Variants in PRKAR1B observed in about 807,000 individuals in gnomAD.
PRKAR1B encodes protein kinase cAMP-dependent type I regulatory subunit beta.
A neutral mutation model predicts 46.5 loss-of-function variants in PRKAR1B; 22 were observed. The ratio of observed to expected loss-of-function variants is 0.47; its 90% confidence interval spans 0.34 to 0.68. The LOEUF (loss-of-function observed/expected upper bound fraction) is 0.68, where lower values mean the gene tolerates loss of function less well. PRKAR1B is among the 30% of genes least tolerant of loss of function. The pLI is 0.01. For missense variants in PRKAR1B, 445 were observed against 535.6 expected (o/e 0.83, Z 1.67); for synonymous variants, 259 against 217.7 (o/e 1.19, Z -1.67).
At chr7:715,920 T>C (rs575890329) in intron 1 of PRKAR1B, among the ~76,000 whole-genome samples, 103 of 152,254 alleles carry the variant, frequency 6.8e-4, no homozygotes, top group Middle Eastern at 6.8e-3. Context: ...TTTCACCGTG[T>C]TAGCCAGGAT....
chr7:688,095 CAAAAAAAAAA>C (rs762256783), intron 2 of PRKAR1B, among the ~76,000 whole-genome samples: 3 of 34,056 alleles, frequency 8.8e-5, no homozygotes, highest in East Asian at 8.8e-4. Flanking sequence ...CACTCCACCT[CAAAAAAAAAA>C]AAAAAAAAAA....
intron 4 of PRKAR1B, among the ~76,000 whole-genome samples, chr7:625,624 C>A (rs1425592451): frequency 2.6e-5 from 4 of 152,052 alleles, no homozygotes; most frequent in Non-Finnish European, 5.9e-5. Flanking sequence ...CACTACAGGT[C>A]CCATGGACAA....
At chr7:684,535 G>A (rs747157985) in intron 2 of PRKAR1B, among the ~76,000 whole-genome samples, 19 of 152,164 alleles carry the variant, frequency 1.2e-4, no homozygotes, top group African/African-American at 2.4e-4. Flanking sequence ...GACGAAGTAC[G>A]CAGCAGCCCG....
At position 613,516 on chromosome 7, in the gene PRKAR1B, G is replaced by A. The variant is rs542745603; in HGVS notation, c.441-6064C>T. 7.4e-4 allele frequency among the ~76,000 whole-genome samples: 113 copies of A among 152,298 alleles called. 1 individual carries two copies. Among genetic ancestry groups the A allele is most frequent in the African/African-American group, 2.5e-3 (106 of 41,570 alleles). ...GTACGGGATCAGAACCAGCAGCTCC[G>A]TTCACAGCCAAACTCGCCTTCAAAA... On this transcript the variant is annotated intron_variant, in intron 4 of 10. Transcript: ENST00000537384.
At chr7:554,457 C>G (rs139148647) in intron 9 of PRKAR1B, among the ~76,000 whole-genome samples, 42 of 152,342 alleles carry the variant, frequency 2.8e-4, no homozygotes, top group Middle Eastern at 6.8e-3. Context: ...ATGAACCTGA[C>G]GGCCTCTGGT....
At chr7:712,477 G>A (rs1033901370) in intron 1 of PRKAR1B, 11 of 147,556 alleles carry the variant, frequency 7.5e-5, no homozygotes, top group African/African-American at 7.4e-5. Flanking sequence ...GGGGACGGCT[G>A]GCGAGCGAGC....
intron 2 of PRKAR1B, among the ~76,000 whole-genome samples, chr7:684,467 C>T (rs187222958): frequency 7.5e-4 from 114 of 152,308 alleles, no homozygotes; most frequent in African/African-American, 2.6e-3. Context: ...ATGGCAGGAA[C>T]GCTATCTGAG....
At chr7:648,023 G>C (rs1393955759) in intron 4 of PRKAR1B, among the ~76,000 whole-genome samples, 1 of 151,546 alleles carries the variant, frequency 6.6e-6, no homozygotes, top group Non-Finnish European at 1.5e-5. Flanking sequence ...GTGCGCACCT[G>C]TGGTCCCAGG....
At chr7:708,389 T>A (rs768752137) in intron 2 of PRKAR1B, among the ~76,000 whole-genome samples, 3 of 152,200 alleles carry the variant, frequency 2.0e-5, no homozygotes, top group Admixed American at 6.5e-5. Flanking sequence ...GGTTCTAGAA[T>A]CTCTAAGGAT....
intron 4 of PRKAR1B, among the ~76,000 whole-genome samples, chr7:620,647 T>G (rs1261955436): frequency 6.6e-6 from 1 of 152,256 alleles, no homozygotes; most frequent in Non-Finnish European, 1.5e-5. Context: ...TGATGATTTT[T>G]GTAAGTTGAG....
intron 2 of PRKAR1B, among the ~76,000 whole-genome samples, chr7:689,004 AG>A (rs1562618501): frequency 1.3e-5 from 2 of 152,378 alleles, no homozygotes; most frequent in African/African-American, 4.8e-5. Flanking sequence ...AGATCCCCCC[AG>A]GGGAAGCAAA....
intron 9 of PRKAR1B, among the ~76,000 whole-genome samples, chr7:563,872 G>T (rs1237238373): frequency 6.6e-6 from 1 of 151,940 alleles, no homozygotes; most frequent in Non-Finnish European, 1.5e-5. Context: ...GTGTGCATGG[G>T]TTGTGGGTGT....
chr7:603,191 GAC>G (rs1419180349), intron 6 of PRKAR1B: 1 of 152,290 alleles, frequency 6.6e-6, no homozygotes, highest in Non-Finnish European at 1.5e-5. Flanking sequence ...GACATGGGCA[GAC>G]ACAGAAGAGG....
At chr7:578,830 T>C (rs941487704) in intron 9 of PRKAR1B, 25 of 277,698 alleles carry the variant, frequency 9.0e-5, no homozygotes, top group South Asian at 4.2e-4. Context: ...TACAGGCATG[T>C]GCCACCACAC....
intron 4 of PRKAR1B, among the ~76,000 whole-genome samples, chr7:650,804 C>CCAGCAGG (rs1261076742): frequency 6.6e-6 from 1 of 152,204 alleles, no homozygotes; most frequent in Non-Finnish European, 1.5e-5. Context: ...GGTCACGTGG[C>CCAGCAGG]CAGCAGGCAG....
At chr7:553,649 G>A (rs970788020) in intron 9 of PRKAR1B, among the ~76,000 whole-genome samples, 7 of 152,188 alleles carry the variant, frequency 4.6e-5, no homozygotes, top group Admixed American at 1.3e-4. Flanking sequence ...AGGTGGGCTC[G>A]GTTCACCCTG....
chr7:655,619 G>A (rs761685047), intron 4 of PRKAR1B, among the ~76,000 whole-genome samples: 32 of 152,176 alleles, frequency 2.1e-4, no homozygotes, highest in Non-Finnish European at 2.9e-4. Flanking sequence ...CATTAGAAAA[G>A]AGTTGAGTAA....
chr7:636,060 ACACGTCCTCCACCGGCCGCGCCCT>A (rs1784050118), intron 4 of PRKAR1B, among the ~76,000 whole-genome samples: 41 of 16,828 alleles, frequency 2.4e-3, no homozygotes, highest in South Asian at 2.7e-3. Context: ...GGCCGCGCCC[ACACGTCCTCCACCGGCCGCGCCCT>A]CACGTCCTCC....
chr7:727,892 C>T (rs939529246), upstream of PRKAR1B, among the ~76,000 whole-genome samples: 1 of 151,508 alleles, frequency 6.6e-6, no homozygotes, highest in Non-Finnish European at 1.5e-5. Flanking sequence ...GCAGAAATTC[C>T]TGTTAGGCGG....
Sources: allele counts gnomAD v4.1 joint callset (sites outside exome capture counted in the v4.1 genomes callset), GRCh38; gene constraint gnomAD v4.1.1; transcripts MANE v1.5; gene names NCBI Gene and HGNC (gene_info 2026-07-23, HGNC 2026-07-21).